FGF13: variants seen among roughly 807,000 people sequenced by gnomAD.
FGF13 encodes fibroblast growth factor 13.
FGF13 carries 2 observed loss-of-function variants against 19.5 expected under a neutral mutation model. The ratio of observed to expected loss-of-function variants is 0.10; its 90% CI spans 0.04 to 0.32. FGF13 has a LOEUF of 0.32. FGF13 is among the 10% of genes least tolerant of loss of function. The pLI, the probability that FGF13 is intolerant of heterozygous loss-of-function variation, is 1.00. For missense variants in FGF13, 113 were observed against 192.7 expected (o/e 0.59, Z 2.45); for synonymous variants, 72 against 76.9 (o/e 0.94, Z 0.33).
intron 1 of FGF13, among the ~76,000 whole-genome samples, chrX:139,068,963 A>G (rs1327618052): frequency 9.2e-6 from 1 of 109,209 alleles, no homozygotes; most frequent in Non-Finnish European, 1.9e-5. Context: ...TCAGGAAACA[A>G]CAGGTGCTGG....
rs2088957038 is a variant in FGF13 at position 138,615,118 on chromosome X, G to A, written c.*17732C>T. On this transcript the variant is annotated 3_prime_UTR_variant, in exon 5 of 5. Transcript: ENST00000315930. ...ACAGTTCCATATCTTGATCATTGTA[G>A]TGGTTACCCAAATATACACATGTGG... is the stretch of plus-strand genomic sequence containing the variant. 9.0e-6 allele frequency: 1 copy of A among 111,728 alleles called. No individual in the cohort carries two copies. The highest frequency in any genetic ancestry group is 3.7e-4 in the South Asian group (1 of 2,684). 9.2% of individuals were successfully genotyped at this position (111,728 alleles called of 1,213,427 possible). A position where few individuals can be genotyped will look rare whatever the true frequency, so the allele number is the denominator to read the frequency against.
chrX:138,861,117 G>T (rs1230400589), intron 2 of FGF13, among the ~76,000 whole-genome samples: 5 of 112,370 alleles, frequency 4.4e-5, no homozygotes, highest in African/African-American at 1.6e-4. Flanking sequence ...ACCATCAGGT[G>T]GGCAAGCTTG....
intron 1 of FGF13, among the ~76,000 whole-genome samples, chrX:138,944,159 A>G (rs892162694): frequency 9.0e-6 from 1 of 111,139 alleles, no homozygotes; most frequent in Non-Finnish European, 1.9e-5. Flanking sequence ...AGGAAACACA[A>G]ATTCTGGTCC....
chrX:138,740,499 C>T, upstream of FGF13, among the ~76,000 whole-genome samples: 1 of 112,062 alleles, frequency 8.9e-6, no homozygotes, highest in Non-Finnish European at 1.9e-5. Context: ...TAACAGACAA[C>T]AGCTGCAAAT....
At chrX:139,075,777 G>A (rs1224769772) in intron 1 of FGF13, among the ~76,000 whole-genome samples, 1 of 111,027 alleles carries the variant, frequency 9.0e-6, no homozygotes, top group East Asian at 2.8e-4. Flanking sequence ...ACATTAATTT[G>A]TCCATACCAA....
chrX:138,906,614 C>T lies in FGF13; in HGVS notation c.-112-41964G>A, dbSNP rs1402294522. Among the ~76,000 whole-genome samples, 9 of 112,035 alleles carry T rather than the reference C, an allele frequency of 8.0e-5. 1 individual carries two copies. Among genetic ancestry groups the T allele is most frequent in the Non-Finnish European group, 1.7e-4 (9 of 53,250 alleles). The stretch of plus-strand genomic sequence containing the variant: ...TAATGCAGGCTAAAAGAAGCGTCAT[C>T]GGCAAGCGTTACTTTTAATAGAATG... On this transcript the variant is annotated intron_variant, in intron 1 of 2. Transcript: ENST00000421460.
chrX:138,994,335 T>C (rs1305218347), intron 1 of FGF13, among the ~76,000 whole-genome samples: 10 of 110,832 alleles, frequency 9.0e-5, no homozygotes, highest in Non-Finnish European at 1.5e-4. Context: ...CCCAACCTTA[T>C]GAACTCATCT....
intron 3 of FGF13, among the ~76,000 whole-genome samples, chrX:138,850,752 G>A (rs181400172): frequency 3.6e-5 from 4 of 112,179 alleles, no homozygotes; most frequent in Admixed American, 9.4e-5. Context: ...TTTAAGTTCC[G>A]GTGTACATGT....
chrX:138,812,680 G>A (rs2090934859), intron 3 of FGF13, among the ~76,000 whole-genome samples: 1 of 111,605 alleles, frequency 9.0e-6, no homozygotes, highest in East Asian at 2.8e-4. Flanking sequence ...ACATGAATAA[G>A]ATTTGTAACA....
rs200881818 is a variant in FGF13, at chrX:138,899,029, A to AAGT, written c.-112-34380_-112-34379insACT. ...ACTGGCCTCCCCTCCCTGCTCCATC[A>AAGT]CGATTCCAGCCGTCAAGTCCATGGA... On this transcript the variant is annotated intron_variant, in intron 1 of 2. Coordinates refer to the FGF13 transcript ENST00000421460. Among the ~76,000 whole-genome samples, 507 of 111,522 alleles carry AAGT rather than the reference A, an allele frequency of 4.5e-3. 5 individuals carry two copies. The highest frequency in any genetic ancestry group is 0.016 in the African/African-American group (487 of 30,699).
In FGF13 at chrX:138,814,429, T is replaced by C. The variant is rs1057156897; in HGVS notation, c.217+43083A>G. The stretch of plus-strand genomic sequence containing the variant: ...CAGAGTGAAGAGATAACCTATGGAA[T>C]GGAAAAAAAAATTTCAAACCATACA... On this transcript the variant is annotated intron_variant, in intron 3 of 6. Coordinates refer to the FGF13 transcript ENST00000436198. 2.7e-5 allele frequency among the ~76,000 whole-genome samples: 3 copies of C among 110,132 alleles called. No homozygotes were observed. In the South Asian group the frequency reaches 1.2e-3, roughly 42 times the overall value.
chrX:138,753,754 G>A (rs1415313519), intron 3 of FGF13, among the ~76,000 whole-genome samples: 1 of 112,104 alleles, frequency 8.9e-6, no homozygotes, highest in Non-Finnish European at 1.9e-5. Flanking sequence ...GACTACACTT[G>A]ACAGTTAACA....
intron 3 of FGF13, among the ~76,000 whole-genome samples, chrX:138,848,736 A>C (rs768063344): frequency 1.8e-5 from 2 of 111,741 alleles, no homozygotes; most frequent in Non-Finnish European, 3.8e-5. Context: ...AGGCGTCAGT[A>C]GTATTTAAAT....
chrX:139,023,514 C>T (rs1035022856), intron 1 of FGF13, among the ~76,000 whole-genome samples: 2 of 110,874 alleles, frequency 1.8e-5, no homozygotes, highest in African/African-American at 3.3e-5. Flanking sequence ...GAGAAGAAAA[C>T]ACTGTGATCC....
intron 3 of FGF13, among the ~76,000 whole-genome samples, chrX:138,702,625 G>C (rs17538830): frequency 9.0e-6 from 1 of 111,695 alleles, no homozygotes; most frequent in African/African-American, 3.3e-5. Flanking sequence ...TGTTTTTTTA[G>C]GAGTAAACCT....
intron 3 of FGF13, among the ~76,000 whole-genome samples, chrX:138,779,150 C>A (rs1175023593): frequency 1.8e-5 from 2 of 110,433 alleles, no homozygotes; most frequent in African/African-American, 6.6e-5. Context: ...ACATCCACAC[C>A]AAAAACCCAT....
At chrX:138,914,538 A>T (rs889600595) in intron 1 of FGF13, among the ~76,000 whole-genome samples, 1 of 110,240 alleles carries the variant, frequency 9.1e-6, no homozygotes, top group Non-Finnish European at 1.9e-5. Flanking sequence ...CTTTAGATTC[A>T]ATCTGCCTGA....
rs748829405 is a variant in FGF13 at position 138,991,923 on chromosome X, AAGG to A, written c.-112-127276_-112-127274del. Among the ~76,000 whole-genome samples, 3 of 111,873 alleles carry A rather than the reference AAGG, an allele frequency of 2.7e-5. No homozygotes were observed. The East Asian group carries it at 8.4e-4, about 31-fold the overall frequency. On this transcript the variant is annotated intron_variant, in intron 1 of 2. Coordinates refer to the FGF13 transcript ENST00000421460. Reference sequence around the variant, plus strand: ...ACTGGTTTGCATTCCCATCAGCAATAAGGAGGAGTAATTCCCCACAGCCTTGCC... The same window carrying A: ...ACTGGTTTGCATTCCCATCAGCAATAAGGAGTAATTCCCCACAGCCTTGCC...
chrX:138,718,635 G>A (rs748936182), intron 1 of FGF13, among the ~76,000 whole-genome samples: 2 of 111,832 alleles, frequency 1.8e-5, no homozygotes, highest in African/African-American at 3.3e-5. Flanking sequence ...ATACTTTAGT[G>A]TTCCCTCAGG....
Sources: allele counts gnomAD v4.1 joint callset (sites outside exome capture counted in the v4.1 genomes callset), GRCh38; gene constraint gnomAD v4.1.1; transcripts MANE v1.5; gene names NCBI Gene and HGNC (gene_info 2026-07-23, HGNC 2026-07-21).